GNAQ: variants seen among roughly 807,000 people sequenced by gnomAD.
GNAQ encodes the protein guanine nucleotide-binding protein G(q) subunit alpha.
A neutral mutation model predicts 43.9 loss-of-function variants in GNAQ; 8 were observed. That is an observed-to-expected ratio of 0.18 (90% CI 0.11 to 0.33). GNAQ has a LOEUF of 0.33. Among genes scored for constraint, GNAQ ranks in the 10% least tolerant of loss-of-function variants. The pLI is 1.00. For synonymous variants in GNAQ, 155 were observed against 170.7 expected (o/e 0.91, Z 0.71); for missense variants, 158 against 450.8 (o/e 0.35, Z 5.88).
intron 1 of GNAQ, among the ~76,000 whole-genome samples, chr9:78,022,144 G>C (rs145406523): frequency 1.3e-4 from 20 of 152,292 alleles, no homozygotes; most frequent in African/African-American, 4.8e-4. Context: ...TCAAAGAGAA[G>C]AGCCAGGCCA....
chr9:77,765,278 C>T (rs1826117526), intron 5 of GNAQ, among the ~76,000 whole-genome samples: 1 of 151,994 alleles, frequency 6.6e-6, no homozygotes, highest in Admixed American at 6.6e-5. Context: ...AGACTGAATG[C>T]CATTACTTGG....
At chr9:77,998,358 T>C (rs543593274) in intron 1 of GNAQ, among the ~76,000 whole-genome samples, 6 of 152,366 alleles carry the variant, frequency 3.9e-5, no homozygotes, top group Admixed American at 3.3e-4. Flanking sequence ...AGTGAGAATA[T>C]GGTTTCTATG....
chr9:77,783,558 T>A (rs938709294), intron 5 of GNAQ, among the ~76,000 whole-genome samples: 20 of 152,198 alleles, frequency 1.3e-4, no homozygotes, highest in Non-Finnish European at 2.1e-4. Flanking sequence ...CCTCTTCAAG[T>A]CACTGCCTGC....
At position 77,943,018 on chromosome 9, in the gene GNAQ, T is replaced by C. The variant is rs780714018; in HGVS notation, c.137-20673A>G. Among the ~76,000 whole-genome samples, 5 of 152,332 alleles carry C rather than the reference T, an allele frequency of 3.3e-5. No individual in the cohort carries two copies. In the South Asian group the frequency reaches 1.0e-3, roughly 32 times the overall value. On this transcript the variant is annotated intron_variant, in intron 1 of 6. Coordinates refer to ENST00000286548, the MANE Select transcript of GNAQ (RefSeq NM_002072.5). ...CATTTATCATTAAATGGGCTGGGAA[T>C]GATGACTTCTTAATGGATAGAAACA...
intron 2 of GNAQ, among the ~76,000 whole-genome samples, chr9:77,822,615 CT>C (rs1208643860): frequency 6.9e-6 from 1 of 143,896 alleles, no homozygotes; most frequent in Non-Finnish European, 1.5e-5. Context: ...AAAGAACAAG[CT>C]TTTTGATTAA....
rs1361399482 is a variant in GNAQ, at chr9:78,031,711, G to A, written c.-476C>T. 5.4e-5 allele frequency among the ~76,000 whole-genome samples: 8 copies of A among 147,206 alleles called. No individual in the cohort carries two copies. The highest frequency in any genetic ancestry group is 2.0e-4 in the African/African-American group (8 of 40,794). On this transcript the variant is annotated 5_prime_UTR_variant, in exon 1 of 7. Transcript: ENST00000286548. ...ACGGCTCCCCGCGCCCGGCGCGCCCGCTCCTCGCCGCCGCCTGACACGGCT... is the reference window on the plus strand; with the variant it reads ...ACGGCTCCCCGCGCCCGGCGCGCCCACTCCTCGCCGCCGCCTGACACGGCT...
intron 1 of GNAQ, among the ~76,000 whole-genome samples, chr9:77,966,009 G>A (rs191562182): frequency 2.0e-5 from 3 of 152,188 alleles, no homozygotes; most frequent in Non-Finnish European, 4.4e-5. Flanking sequence ...GCAAAAAGGA[G>A]CGAACTATTG....
At position 77,906,266 on chromosome 9, in the gene GNAQ, G is replaced by A. The variant is rs531996221; in HGVS notation, c.321+15895C>T. Among the ~76,000 whole-genome samples the A allele has an allele frequency of 1.2e-4, 19 of 152,198 alleles. 1 individual carries two copies. The South Asian group carries it at 3.7e-3, about 30-fold the overall frequency. The stretch of plus-strand genomic sequence containing the variant: ...TACAGCCAAACGTTTATGAAATGAA[G>A]TACATCATCAGTATTCAAAAATGTA... On this transcript the variant is annotated intron_variant, in intron 2 of 6. Coordinates refer to ENST00000286548, the MANE Select transcript of GNAQ (RefSeq NM_002072.5).
At chr9:77,796,202 A>G (rs1223893058) in intron 4 of GNAQ, among the ~76,000 whole-genome samples, 1 of 152,226 alleles carries the variant, frequency 6.6e-6, no homozygotes, top group African/African-American at 2.4e-5. Flanking sequence ...ACTTTGTGGC[A>G]ATATCTATTA....
At chr9:78,027,719 C>T (rs1477905584) in intron 1 of GNAQ, among the ~76,000 whole-genome samples, 1 of 147,772 alleles carries the variant, frequency 6.8e-6, no homozygotes. Context: ...CCATTGCACT[C>T]CAGCTTGGGC....
At chr9:77,991,494 C>A (rs1823507295) in intron 1 of GNAQ, among the ~76,000 whole-genome samples, 1 of 152,216 alleles carries the variant, frequency 6.6e-6, no homozygotes, top group South Asian at 2.1e-4. Context: ...TTCTAATATT[C>A]TACCTCCACA....
At chr9:77,948,729 T>C (rs1020832917) in intron 1 of GNAQ, among the ~76,000 whole-genome samples, 1 of 152,238 alleles carries the variant, frequency 6.6e-6, no homozygotes, top group African/African-American at 2.4e-5. Flanking sequence ...TTCTGCAGCC[T>C]GGGAAGCCTC....
rs1006072579 is a variant in GNAQ at position 77,720,328 on chromosome 9, A to C, written c.*995T>G. 4.3e-6 allele frequency: 1 copy of C among 233,476 alleles called. No individual in the cohort carries two copies. Among genetic ancestry groups the C allele is most frequent in the Non-Finnish European group, 8.5e-6 (1 of 117,986 alleles). 14.5% of individuals were successfully genotyped at this position (233,476 alleles called of 1,614,324 possible). A position where few individuals can be genotyped will look rare whatever the true frequency, so the allele number is the denominator to read the frequency against. Reference sequence around the variant, plus strand: ...TTGACAAAAAGCCAGCTTTGGCAACACATACCCATAATAAAAGTCATTTTA... The same window carrying C: ...TTGACAAAAAGCCAGCTTTGGCAACCCATACCCATAATAAAAGTCATTTTA... On this transcript the variant is annotated 3_prime_UTR_variant, in exon 7 of 7. Coordinates refer to ENST00000286548, the MANE Select transcript of GNAQ (RefSeq NM_002072.5).
intron 1 of GNAQ, among the ~76,000 whole-genome samples, chr9:77,943,468 A>G (rs536939794): frequency 1.3e-5 from 2 of 152,304 alleles, no homozygotes; most frequent in African/African-American, 4.8e-5. Flanking sequence ...AGTCACAGGA[A>G]TAATATGGGT....
chr9:78,020,126 G>T (rs1023437626), intron 1 of GNAQ, among the ~76,000 whole-genome samples: 1 of 151,982 alleles, frequency 6.6e-6, no homozygotes, highest in Non-Finnish European at 1.5e-5. Flanking sequence ...AATCTACCTG[G>T]CAAGAATATC....
At chr9:77,731,730 G>A (rs528977965) in intron 5 of GNAQ, among the ~76,000 whole-genome samples, 5 of 152,298 alleles carry the variant, frequency 3.3e-5, no homozygotes, top group South Asian at 4.1e-4. Context: ...GGTGGAGCCC[G>A]AGGGTCTGCA....
At chr9:78,001,399 T>A (rs61665888) in intron 1 of GNAQ, among the ~76,000 whole-genome samples, 56 of 151,346 alleles carry the variant, frequency 3.7e-4, no homozygotes, top group African/African-American at 1.3e-3. Flanking sequence ...CGACACTCCA[T>A]CTCAAAAAAA....
intron 3 of GNAQ, among the ~76,000 whole-genome samples, chr9:77,811,750 G>A (rs1826931348): frequency 1.3e-5 from 2 of 152,270 alleles, no homozygotes; most frequent in South Asian, 2.1e-4. Context: ...CGGGCCTCCT[G>A]GCACAGTGGG....
chr9:77,922,117 C>G (rs749213549), intron 2 of GNAQ, 44 bp downstream of exon 2: 1 of 1,361,770 alleles, frequency 7.3e-7, no homozygotes, highest in South Asian at 1.2e-5. Flanking sequence ...ATTGTGAACA[C>G]CTGGAACATT....
Sources: allele counts gnomAD v4.1 joint callset (sites outside exome capture counted in the v4.1 genomes callset), GRCh38; gene constraint gnomAD v4.1.1; transcripts MANE v1.5; gene names NCBI Gene and HGNC (gene_info 2026-07-23, HGNC 2026-07-21).